SLC8A1: variants seen among roughly 807,000 people sequenced by gnomAD.
The protein encoded by SLC8A1 is solute carrier family 8 member A1, also known as sodium/calcium exchanger 1.
A neutral mutation model predicts 68.3 loss-of-function variants in SLC8A1; 18 were observed. That is an observed-to-expected ratio of 0.26 (90% confidence interval 0.18 to 0.39). The LOEUF is 0.39. Among genes scored for constraint, SLC8A1 ranks in the 10% least tolerant of loss-of-function variants. The pLI is 1.00. For synonymous variants in SLC8A1, 475 were observed against 415.5 expected (o/e 1.14, Z -1.74); for missense variants, 985 against 1,156.7 (o/e 0.85, Z 2.15).
rs1277062698 is a variant in SLC8A1 at position 40,428,690 on chromosome 2, T to C, written c.1591A>G (p.Ile531Val). Residue 531 changes from isoleucine to valine, a missense_variant, in exon 2 of 8, where the codon ATT becomes GTT. Transcript: ENST00000406785. ...ATGCCTGCGTGGTCATCATCAAAAATAGTTACAGTGGCAGTGGAGGGAGAT... is the reference window on the plus strand; with the variant it reads ...ATGCCTGCGTGGTCATCATCAAAAACAGTTACAGTGGCAGTGGAGGGAGAT... 38 of 1,613,640 alleles carry C rather than the reference T, an allele frequency of 2.4e-5. 1 individual carries two copies. The highest frequency in any genetic ancestry group is 3.3e-5 in the Admixed American group (2 of 59,892).
At chr2:40,212,937 C>T (rs552247932) in intron 2 of SLC8A1, among the ~76,000 whole-genome samples, 2 of 152,230 alleles carry the variant, frequency 1.3e-5, no homozygotes, top group East Asian at 3.9e-4. Flanking sequence ...AGAGCTAAGG[C>T]TAAGTCAGGG....
rs116882264 is a variant in SLC8A1, at chr2:40,298,036, C to T, written c.1809-120181G>A. Among the ~76,000 whole-genome samples the T allele has an allele frequency of 4.7e-4, 72 of 152,180 alleles. No individual in the cohort carries two copies. In the East Asian group the frequency reaches 0.014, roughly 29 times the overall value. On this transcript the variant is annotated intron_variant, in intron 2 of 7. Coordinates refer to ENST00000406785, the Ensembl canonical transcript of SLC8A1. ...CTAGGATTACAGGTGTGCACCACCACTCCTGGCAATTTTTTTTGTGATTTT... is the reference window on the plus strand; with the variant it reads ...CTAGGATTACAGGTGTGCACCACCATTCCTGGCAATTTTTTTTGTGATTTT...
chr2:40,465,944 A>T (rs558782993), intron 1 of SLC8A1, among the ~76,000 whole-genome samples: 1 of 152,200 alleles, frequency 6.6e-6, no homozygotes, highest in East Asian at 1.9e-4. Context: ...CCCTTCTGCC[A>T]TGTGAGGACA....
chr2:40,221,329 C>A (rs1216277328), intron 2 of SLC8A1, among the ~76,000 whole-genome samples: 1 of 152,192 alleles, frequency 6.6e-6, no homozygotes, highest in Non-Finnish European at 1.5e-5. Flanking sequence ...TAAAATTCAA[C>A]ACCCCTTCAT....
At chr2:40,098,600 AT>A (rs1292438725) in exon 8 of SLC8A1, 7 of 152,044 alleles carry the variant, frequency 4.6e-5, no homozygotes, top group African/African-American at 7.2e-5. Context: ...ATTTGAAAAG[AT>A]TAGCTAAAAT....
chr2:40,399,969 C>T (rs1428762959), intron 2 of SLC8A1, among the ~76,000 whole-genome samples: 2 of 152,184 alleles, frequency 1.3e-5, no homozygotes, highest in Non-Finnish European at 2.9e-5. Context: ...GGTTATTTTA[C>T]CTATAGATTA....
chr2:40,414,147 G>C (rs1156702315), intron 2 of SLC8A1, among the ~76,000 whole-genome samples: 1 of 152,140 alleles, frequency 6.6e-6, no homozygotes, highest in Non-Finnish European at 1.5e-5. Context: ...AATGAAACAT[G>C]AATCAAAGTC....
chr2:40,190,152 G>A (rs953981293), intron 2 of SLC8A1, among the ~76,000 whole-genome samples: 1 of 152,138 alleles, frequency 6.6e-6, no homozygotes, highest in African/African-American at 2.4e-5. Flanking sequence ...CAAATGCCAT[G>A]CTGCTTAGCG....
intron 6 of SLC8A1, among the ~76,000 whole-genome samples, chr2:40,145,920 A>G (rs1281896182): frequency 2.6e-5 from 4 of 152,180 alleles, no homozygotes; most frequent in Non-Finnish European, 4.4e-5. Context: ...GGCCTCTGCC[A>G]CTAAATTCAG....
At chr2:40,418,884 G>A (rs1005063422) in intron 2 of SLC8A1, among the ~76,000 whole-genome samples, 1 of 152,070 alleles carries the variant, frequency 6.6e-6, no homozygotes, top group African/African-American at 2.4e-5. Context: ...GCAGGCACAG[G>A]GGGTAGGTTG....
At chr2:40,318,560 C>G (rs1384221272) in intron 2 of SLC8A1, among the ~76,000 whole-genome samples, 1 of 152,024 alleles carries the variant, frequency 6.6e-6, no homozygotes, top group African/African-American at 2.4e-5. Context: ...CCAGAATCAC[C>G]TGACTTCAAA....
intron 2 of SLC8A1, among the ~76,000 whole-genome samples, chr2:40,418,927 T>C (rs1415782047): frequency 6.6e-6 from 1 of 152,118 alleles, no homozygotes; most frequent in Non-Finnish European, 1.5e-5. Context: ...TGACAGCTCA[T>C]CATCATTTAT....
intron 2 of SLC8A1, among the ~76,000 whole-genome samples, chr2:40,263,583 A>T (rs930183718): frequency 2.6e-5 from 4 of 152,178 alleles, no homozygotes; most frequent in Non-Finnish European, 4.4e-5. Context: ...GACAAACCTG[A>T]CAAAAACAAG....
At chr2:40,493,423 C>A (rs990217384) in intron 1 of SLC8A1, among the ~76,000 whole-genome samples, 1 of 151,176 alleles carries the variant, frequency 6.6e-6, no homozygotes, top group African/African-American at 2.4e-5. Context: ...GTGCAGCACA[C>A]CAGCATGGCA....
In SLC8A1 at chr2:40,389,801, G is replaced by C. The variant is rs554498015; in HGVS notation, c.1808+38672C>G. Reference sequence around the variant, plus strand: ...TTTTATGATGGACACTTAAAAATTTGGGGAAATATATATATGATATATGAT... The same window carrying C: ...TTTTATGATGGACACTTAAAAATTTCGGGAAATATATATATGATATATGAT... On this transcript the variant is annotated intron_variant, in intron 2 of 7. Coordinates refer to ENST00000406785, the Ensembl canonical transcript of SLC8A1. Among the ~76,000 whole-genome samples, 10 of 149,970 alleles carry C rather than the reference G, an allele frequency of 6.7e-5. No individual in the cohort carries two copies. In the East Asian group the frequency reaches 2.0e-3, roughly 29 times the overall value.
intron 7 of SLC8A1, 141 bp from the exon 11 acceptor site, chr2:40,115,770 A>T (rs998889868): frequency 1.8e-6 from 2 of 1,095,632 alleles, no homozygotes; most frequent in African/African-American, 3.1e-5. Context: ...TGTTCCTCTG[A>T]GTCAGACTCA....
intron 1 of SLC8A1, among the ~76,000 whole-genome samples, chr2:40,498,280 A>T: frequency 6.6e-6 from 1 of 152,214 alleles, no homozygotes; most frequent in East Asian, 1.9e-4. Context: ...AGTCAAATAT[A>T]AACATGATGG....
chr2:40,178,107 T>TTTGGC (rs2048802120), intron 2 of SLC8A1, among the ~76,000 whole-genome samples: 1 of 152,212 alleles, frequency 6.6e-6, no homozygotes. Context: ...TTTGGGGTAT[T>TTTGGC]TTGGCATGGC....
At position 40,436,087 on chromosome 2, in the gene SLC8A1, A is replaced by G. The variant is rs543279875; in HGVS notation, c.-24-5783T>C. Among the ~76,000 whole-genome samples the G allele has an allele frequency of 4.6e-5, 7 of 151,826 alleles. No homozygotes were observed. The East Asian group carries it at 1.4e-3, about 30-fold the overall frequency. ...GTCTGGCCAGCTCTTATTACTTCTT[A>G]CATGCTATCTATTTTATTCAATGGT... On this transcript the variant is annotated intron_variant, in intron 1 of 7. Transcript: ENST00000406785.
Sources: allele counts gnomAD v4.1 joint callset (sites outside exome capture counted in the v4.1 genomes callset), GRCh38; gene constraint gnomAD v4.1.1; transcripts MANE v1.5; gene names NCBI Gene and HGNC (gene_info 2026-07-23, HGNC 2026-07-21).